Variants in COG5 observed in about 807,000 individuals in gnomAD.
COG5 encodes conserved oligomeric Golgi complex subunit 5.
A neutral mutation model predicts 110.4 loss-of-function variants in COG5; 86 were observed. The ratio of observed to expected loss-of-function variants is 0.78; its 90% CI spans 0.65 to 0.93. The LOEUF (loss-of-function observed/expected upper bound fraction) is 0.93. Ranked by LOEUF, COG5 falls within the 40% of genes least tolerant of loss-of-function variation. The pLI, the probability that COG5 is intolerant of heterozygous loss-of-function variation, is 0.00. For synonymous variants in COG5, 360 were observed against 334.6 expected, an observed-to-expected ratio of 1.08 and a Z score of -0.83; for missense variants, 1,077 against 987.0, an observed-to-expected ratio of 1.09 and a Z score of -1.22.
At chr7:107,558,933 A>C (rs1803554622) in intron 1 of COG5, among the ~76,000 whole-genome samples, 1 of 91,570 alleles carries the variant, frequency 1.1e-5, no homozygotes, top group African/African-American at 3.5e-5. Flanking sequence ...AAAAAAAAAA[A>C]AACCATAACT....
chr7:107,432,555 G>A (rs552946155), intron 6 of COG5, among the ~76,000 whole-genome samples: 20 of 152,162 alleles, frequency 1.3e-4, no homozygotes, highest in South Asian at 2.1e-4. Flanking sequence ...AAATGCAATC[G>A]TTTCAGTGTA....
At chr7:107,554,847 T>C (rs1004725144) in intron 2 of COG5, among the ~76,000 whole-genome samples, 4 of 152,174 alleles carry the variant, frequency 2.6e-5, no homozygotes, top group African/African-American at 9.7e-5. Flanking sequence ...CTCTTAATAC[T>C]ATCATATTGG....
Position 107,298,208 on chromosome 7 carries a change from T to A in COG5, c.1247A>T (p.Tyr416Phe). The part of the protein sequence containing the change: ...NFNASGTTDL[Y>F]VDLQHMEDDA... ...ATCTTCCATGTGTTGTAGGTCAACATAGAGGTCTGTAGTTCCACTTGCATT... is the reference window on the plus strand; with the variant it reads ...ATCTTCCATGTGTTGTAGGTCAACAAAGAGGTCTGTAGTTCCACTTGCATT... The change falls in exon 12 of 22, where the codon TAT becomes TTT. Residue 416 changes from tyrosine (Y) to phenylalanine (F), a missense_variant. Physicochemically the swap from Tyr to Phe is conservative, Grantham distance 22 (BLOSUM62 3). Coordinates refer to ENST00000297135, the MANE Select transcript of COG5 (RefSeq NM_006348.5). 3 of 1,613,774 alleles carry A rather than the reference T, an allele frequency of 1.9e-6. No homozygotes were observed. Among genetic ancestry groups the A allele is most frequent in the South Asian group, 1.1e-5 (1 of 91,076 alleles).
intron 12 of COG5, among the ~76,000 whole-genome samples, chr7:107,295,082 TATATATATATATATATA>T (rs1806602455): frequency 3.1e-5 from 2 of 64,000 alleles, no homozygotes; most frequent in East Asian, 9.1e-4. Flanking sequence ...TATATATATA[TATATATATATATATATA>T]TATTTTTTTT....
chr7:107,235,395 T>C lies in COG5; in HGVS notation c.2091+1055A>G, dbSNP rs1202175610. Among the ~76,000 whole-genome samples the C allele has an allele frequency of 3.3e-5, 5 of 152,346 alleles. No homozygotes were observed. In the East Asian group the frequency reaches 9.6e-4, roughly 29 times the overall value. ...TATTTGGACTAGTAAAGCTAACAGC[T>C]TTGAAAGGCTTAAAAATGATTTTAC... On this transcript the variant is annotated intron_variant, in intron 18 of 21. Coordinates refer to ENST00000297135, the MANE Select transcript of COG5 (RefSeq NM_006348.5).
intron 12 of COG5, among the ~76,000 whole-genome samples, chr7:107,296,185 C>CT (rs1806730624): frequency 1.7e-5 from 2 of 120,610 alleles, no homozygotes; most frequent in African/African-American, 3.1e-5. Flanking sequence ...CTTTTCTTTT[C>CT]TTTCTCTTTC....
At chr7:107,360,515 C>T (rs1212116750) in intron 10 of COG5, among the ~76,000 whole-genome samples, 1 of 152,206 alleles carries the variant, frequency 6.6e-6, no homozygotes, top group Non-Finnish European at 1.5e-5. Flanking sequence ...CACCTAGATG[C>T]ACCCCGAGCC....
chr7:107,555,722 G>A (rs1163053393), intron 2 of COG5, among the ~76,000 whole-genome samples: 1 of 152,078 alleles, frequency 6.6e-6, no homozygotes, highest in Non-Finnish European at 1.5e-5. Context: ...CAAGAGAGAG[G>A]AAAGCTAGGC....
In COG5 at chr7:107,226,244, C is replaced by T. The variant is rs539792551; in HGVS notation, c.2168+4371G>A. Among the ~76,000 whole-genome samples the T allele has an allele frequency of 2.6e-5, 4 of 152,268 alleles. No homozygotes were observed. The South Asian group carries it at 8.3e-4, about 32-fold the overall frequency. ...AGGCAATCTCCTACTGACTACCATT[C>T]AACTGGTTTTGGTTTGATTGAGAGT... On this transcript the variant is annotated intron_variant, in intron 19 of 21. Coordinates refer to ENST00000297135, the MANE Select transcript of COG5 (RefSeq NM_006348.5).
intron 14 of COG5, among the ~76,000 whole-genome samples, chr7:107,259,285 C>G (rs1428249966): frequency 6.6e-6 from 1 of 152,086 alleles, no homozygotes; most frequent in African/African-American, 2.4e-5. Context: ...TTTTGACTTT[C>G]CTCATGGACA....
At chr7:107,508,203 C>T (rs1799180845) in intron 6 of COG5, among the ~76,000 whole-genome samples, 1 of 152,218 alleles carries the variant, frequency 6.6e-6, no homozygotes, top group African/African-American at 2.4e-5. Context: ...TTCCAATGGG[C>T]TTAAAAAAAC....
At chr7:107,560,662 A>G (rs913542793) in intron 1 of COG5, among the ~76,000 whole-genome samples, 5 of 152,216 alleles carry the variant, frequency 3.3e-5, no homozygotes, top group Admixed American at 2.6e-4. Context: ...AGATTAGGAG[A>G]GAAGAACAGA....
intron 11 of COG5, among the ~76,000 whole-genome samples, chr7:107,313,169 A>C (rs1020074113): frequency 6.6e-6 from 1 of 152,216 alleles, no homozygotes; most frequent in Non-Finnish European, 1.5e-5. Context: ...AAGCTAGATC[A>C]ACCTCAGTAT....
intron 1 of COG5, among the ~76,000 whole-genome samples, chr7:107,560,842 T>C (rs1230376628): frequency 6.6e-6 from 1 of 152,080 alleles, no homozygotes; most frequent in Non-Finnish European, 1.5e-5. Context: ...AAATGTCCAG[T>C]AGGCAGTTAA....
intron 7 of COG5, among the ~76,000 whole-genome samples, chr7:107,401,955 T>C (rs569976525): frequency 2.6e-5 from 4 of 152,342 alleles, no homozygotes; most frequent in East Asian, 3.9e-4. Context: ...TTAACTTCCA[T>C]AGAGCTCACT....
intron 14 of COG5, among the ~76,000 whole-genome samples, chr7:107,267,093 C>A (rs1445715728): frequency 1.3e-5 from 2 of 152,068 alleles, no homozygotes; most frequent in Non-Finnish European, 2.9e-5. Context: ...AAAATCATGT[C>A]TTGTTTATGC....
intron 7 of COG5, among the ~76,000 whole-genome samples, chr7:107,395,775 G>A (rs904713575): frequency 1.3e-5 from 2 of 151,830 alleles, no homozygotes; most frequent in Non-Finnish European, 2.9e-5. Context: ...GGCTGGTCTT[G>A]AACTCCCAAC....
intron 6 of COG5, among the ~76,000 whole-genome samples, chr7:107,461,068 A>G (rs1202845172): frequency 6.6e-6 from 1 of 152,166 alleles, no homozygotes; most frequent in Non-Finnish European, 1.5e-5. Flanking sequence ...AAAATTGGAG[A>G]AAAAGAACAT....
chr7:107,226,894 CCT>C (rs1264904167), intron 19 of COG5, among the ~76,000 whole-genome samples: 3 of 152,008 alleles, frequency 2.0e-5, no homozygotes, highest in Non-Finnish European at 4.4e-5. Flanking sequence ...TAGAAAAATA[CCT>C]CTGTTGGAAT....
Sources: allele counts gnomAD v4.1 joint callset (sites outside exome capture counted in the v4.1 genomes callset), GRCh38; gene constraint gnomAD v4.1.1; transcripts MANE v1.5; gene names NCBI Gene and HGNC (gene_info 2026-07-23, HGNC 2026-07-21).